ADCK2: variants seen among roughly 807,000 people sequenced by gnomAD.
ADCK2 encodes uncharacterized aarF domain-containing protein kinase 2.
ADCK2 carries 37 observed loss-of-function variants against 52.3 expected under a neutral mutation model. The ratio of observed to expected loss-of-function variants is 0.71; its 90% confidence interval spans 0.54 to 0.93. ADCK2 has a LOEUF of 0.93. Ranked by LOEUF, ADCK2 falls within the 40% of genes least tolerant of loss-of-function variation. The probability of loss-of-function intolerance (pLI) is 0.00; values close to 1 mark genes in which losing one functional copy is unlikely to be tolerated. For synonymous variants in ADCK2, 321 were observed against 349.2 expected, an observed-to-expected ratio of 0.92 and a Z score of 0.90; for missense variants, 695 against 798.7, an observed-to-expected ratio of 0.87 and a Z score of 1.56.
At position 140,687,016 on chromosome 7, in the gene ADCK2, A is replaced by G. The variant is rs1563209538; in HGVS notation, c.1332A>G (p.Ala444=). The change falls in exon 5 of 8, where the codon GCA becomes GCG. Residue 444 remains alanine, a synonymous_variant. Transcript: ENST00000072869. ...KMIFVDNFVH[A]DLHPGNILVQ... is the part of the protein sequence containing the mutation. ...TATTTGTGGATAACTTTGTCCATGCAGACCTTCACCCTGGAAACATCCTGG... is the reference window on the plus strand; with the variant it reads ...TATTTGTGGATAACTTTGTCCATGCGGACCTTCACCCTGGAAACATCCTGG... The G allele has an allele frequency of 6.2e-7, 1 of 1,614,118 alleles. No homozygotes were observed. Among genetic ancestry groups the G allele is most frequent in the East Asian group, 2.2e-5 (1 of 44,872 alleles).
At chr7:140,689,531 G>A (rs1794667870) in intron 5 of ADCK2, 66 bp from the exon 6 acceptor site, 22 of 1,510,992 alleles carry the variant, frequency 1.5e-5, no homozygotes, top group African/African-American at 4.2e-5. Context: ...TGAGAAAGAC[G>A]CTTGGGCACC....
intron 4 of ADCK2, among the ~76,000 whole-genome samples, chr7:140,683,752 T>TG (rs1040962471): frequency 1.3e-5 from 2 of 152,198 alleles, no homozygotes; most frequent in African/African-American, 4.8e-5. Flanking sequence ...TTGTTATAGT[T>TG]GGGGGTTGGG....
In ADCK2 at chr7:140,693,816, T is replaced by C. The variant is rs936748070; in HGVS notation, c.1741-847T>C. 6.6e-6 allele frequency among the ~76,000 whole-genome samples: 1 copy of C among 152,076 alleles called. No homozygotes were observed. The highest frequency in any genetic ancestry group is 2.4e-5 in the African/African-American group (1 of 41,402). On this transcript the variant is annotated intron_variant, in intron 7 of 7. Transcript: ENST00000072869. The surrounding 1 kb of genome is among the most constrained non-coding windows in gnomAD (Gnocchi z 4.0). ...GCTCTGCCTCCCGAGTTCAGGCCAT[T>C]CTCCTGCCTCAGCCTCCCGAGTAGC...
rs943118006 is a variant in ADCK2 at position 140,674,053 on chromosome 7, C to G, written c.723C>G (p.Phe241Leu). The part of the protein sequence containing the change: ...RLGRASCLPP[F>L]SHTGAVGGLR... The stretch of plus-strand genomic sequence containing the variant: ...GCAGGGCCTCCTGTCTGCCGCCCTT[C>G]TCACATACTGGGGCAGTCGGTGGGC... The change falls in exon 1 of 8, where the codon TTC (phenylalanine) becomes TTG (leucine). Residue 241 changes from phenylalanine (F) to leucine (L), a missense_variant. Coordinates refer to ENST00000072869, the MANE Select transcript of ADCK2 (RefSeq NM_052853.4). This position sits in a 1 kb window ranked among gnomAD's most constrained non-coding sequence, Gnocchi z 4.6. 3 of 1,614,046 alleles carry G rather than the reference C, an allele frequency of 1.9e-6. No homozygotes were observed. Among genetic ancestry groups the G allele is most frequent in the Admixed American group, 1.7e-5 (1 of 60,006 alleles).
At chr7:140,683,095 G>C (rs1034070897) in intron 4 of ADCK2, among the ~76,000 whole-genome samples, 1 of 151,142 alleles carries the variant, frequency 6.6e-6, no homozygotes, top group Admixed American at 6.6e-5. Flanking sequence ...GAGGTCAGGA[G>C]ATCGAGACCA....
chr7:140,688,541 G>A (rs368253928), intron 5 of ADCK2, among the ~76,000 whole-genome samples: 50 of 152,236 alleles, frequency 3.3e-4, no homozygotes, highest in African/African-American at 1.2e-3. Flanking sequence ...TGGGACTGTG[G>A]GAAGAAACAA....
In ADCK2 at chr7:140,673,161, C is replaced by G; in HGVS notation, c.-170C>G. On this transcript the variant is annotated 5_prime_UTR_variant, in exon 1 of 8. Coordinates refer to ENST00000072869, the MANE Select transcript of ADCK2 (RefSeq NM_052853.4). This position sits in a 1 kb window ranked among gnomAD's most constrained non-coding sequence, Gnocchi z 6.4. Reference sequence around the variant, plus strand: ...CGGCGGGTGTCGGGCGGGGCGCGGGCCTCCGGCCTGAGGCCCGGCGAGGTG... The same window carrying G: ...CGGCGGGTGTCGGGCGGGGCGCGGGGCTCCGGCCTGAGGCCCGGCGAGGTG... 9.8e-6 allele frequency: 4 copies of G among 408,018 alleles called. No individual in the cohort carries two copies. Among genetic ancestry groups the G allele is most frequent in the Non-Finnish European group, 4.1e-6 (1 of 245,962 alleles). 25.3% of individuals were successfully genotyped at this position (408,018 alleles called of 1,614,324 possible).
At chr7:140,677,914 C>T (rs145249599) in intron 2 of ADCK2, among the ~76,000 whole-genome samples, 43 of 152,198 alleles carry the variant, frequency 2.8e-4, no homozygotes, top group African/African-American at 9.6e-4. Context: ...TCTGGGATGT[C>T]GAGCACTATA....
At chr7:140,677,888 C>T (rs1794448197) in intron 2 of ADCK2, among the ~76,000 whole-genome samples, 1 of 152,074 alleles carries the variant, frequency 6.6e-6, no homozygotes, top group African/African-American at 2.4e-5. Flanking sequence ...AGAGGAGAGC[C>T]GGGGGTGTTA....
chr7:140,692,395 T>C (rs2130793887), intron 7 of ADCK2, among the ~76,000 whole-genome samples: 1 of 152,372 alleles, frequency 6.6e-6, no homozygotes, highest in South Asian at 2.1e-4. Context: ...TCTCACTGTG[T>C]CACCGAGGCT....
At chr7:140,688,744 T>A (rs1460255951) in intron 5 of ADCK2, among the ~76,000 whole-genome samples, 1 of 152,188 alleles carries the variant, frequency 6.6e-6, no homozygotes, top group Non-Finnish European at 1.5e-5. Context: ...GCACGTCCGA[T>A]GTGGGGACAT....
rs764807562 is a variant in ADCK2 at position 140,673,911 on chromosome 7, G to C, written c.581G>C (p.Trp194Ser). Residue 194 changes from tryptophan to serine, a missense_variant, in exon 1 of 8, where the codon TGG (tryptophan) becomes TCG (serine). Coordinates refer to ENST00000072869, the MANE Select transcript of ADCK2 (RefSeq NM_052853.4). The surrounding 1 kb of genome is among the most constrained non-coding windows in gnomAD (Gnocchi z 6.4). Reference sequence around the variant, plus strand: ...CTTCGGCAGGCTTTTGGGGATGACTGGGGGAGCATCCTCTCTTTTGAGAAC... The same window carrying C: ...CTTCGGCAGGCTTTTGGGGATGACTCGGGGAGCATCCTCTCTTTTGAGAAC... ...RFLRQAFGDD[W>S]GSILSFENRE... The C allele has an allele frequency of 6.2e-7, 1 of 1,613,946 alleles. No individual in the cohort carries two copies. Among genetic ancestry groups the C allele is most frequent in the Non-Finnish European group, 8.5e-7 (1 of 1,180,032 alleles).
chr7:140,674,524 C>T lies in ADCK2; in HGVS notation c.934-87C>T. 6.7e-7 allele frequency: 1 copy of T among 1,486,478 alleles called. No homozygotes were observed. The highest frequency in any genetic ancestry group is 9.0e-7 in the Non-Finnish European group (1 of 1,106,638). The allele number at this position is 1,486,478 out of a possible 1,614,324, so 92.1% of individuals were successfully genotyped here. ...TTTTCTTTGATAAGAAGCCACCTGG[C>T]TCTTGCTTGGATGGTGGGACCCAGC... On this transcript the variant is annotated intron_variant, in intron 1 of 7. Transcript: ENST00000072869. The surrounding 1 kb of genome is among the most constrained non-coding windows in gnomAD (Gnocchi z 4.6).
At position 140,673,584 on chromosome 7, in the gene ADCK2, C is replaced by T. The variant is rs772386520; in HGVS notation, c.254C>T (p.Pro85Leu). The stretch of plus-strand genomic sequence containing the variant: ...GGCGCGGGGCCCGCGGAGAGCCTCC[C>T]CCGAGCGGGACCTCTGGGCGGCGTC... ...AAGAGPAESL[P>L]RAGPLGGVFL... Residue 85 changes from proline (P) to leucine (L), a missense_variant, in exon 1 of 8, where the codon CCC (proline) becomes CTC (leucine). Physicochemically the swap from Pro to Leu is moderately conservative, Grantham distance 98. Transcript: ENST00000072869. This position sits in a 1 kb window ranked among gnomAD's most constrained non-coding sequence, Gnocchi z 6.4. 4.4e-6 allele frequency: 7 copies of T among 1,605,198 alleles called. No homozygotes were observed. The highest frequency in any genetic ancestry group is 5.1e-6 in the Non-Finnish European group (6 of 1,179,112).
chr7:140,694,892 G>T lies in ADCK2; in HGVS notation c.*89G>T. On this transcript the variant is annotated 3_prime_UTR_variant, in exon 8 of 8. Coordinates refer to ENST00000072869, the MANE Select transcript of ADCK2 (RefSeq NM_052853.4). Reference sequence around the variant, plus strand: ...TGGCAGCTGGGACGTTTTAAAATTGGGACACCAATTTCAAATGTAACCCTC... The same window carrying T: ...TGGCAGCTGGGACGTTTTAAAATTGTGACACCAATTTCAAATGTAACCCTC... 28 of 1,493,584 alleles carry T rather than the reference G, an allele frequency of 1.9e-5. No homozygotes were observed. Among genetic ancestry groups the T allele is most frequent in the Non-Finnish European group, 2.5e-5 (28 of 1,126,876 alleles). 92.5% of individuals were successfully genotyped at this position (1,493,584 alleles called of 1,614,324 possible). A position where few individuals can be genotyped will look rare whatever the true frequency, so the allele number is the denominator to read the frequency against.
intron 7 of ADCK2, 23 bp downstream of exon 7, chr7:140,690,836 G>A: frequency 6.2e-7 from 1 of 1,611,584 alleles, no homozygotes; most frequent in Non-Finnish European, 8.5e-7. Flanking sequence ...CAGAGGGGAG[G>A]TCTCTGGGGA....
chr7:140,687,274 G>T (rs1205328812), intron 5 of ADCK2, 33 bp downstream of exon 5: 2 of 1,517,680 alleles, frequency 1.3e-6, no homozygotes, highest in South Asian at 2.5e-5. Flanking sequence ...AAGTTGGGGT[G>T]AATTTTTTTT....
chr7:140,675,713 G>T (rs142629815), intron 2 of ADCK2, among the ~76,000 whole-genome samples: 124 of 152,324 alleles, frequency 8.1e-4, no homozygotes, highest in African/African-American at 2.4e-3. Flanking sequence ...TTCTGGTGGA[G>T]AACATCTAGC....
At chr7:140,676,489 C>T (rs557294751) in intron 2 of ADCK2, among the ~76,000 whole-genome samples, 41 of 152,348 alleles carry the variant, frequency 2.7e-4, no homozygotes, top group Non-Finnish European at 2.8e-4. Flanking sequence ...TCCTGCCACT[C>T]ATCTGAGTTT....
Sources: allele counts gnomAD v4.1 joint callset (sites outside exome capture counted in the v4.1 genomes callset), GRCh38; gene constraint gnomAD v4.1.1; non-coding constraint Gnocchi (gnomAD v3.1); transcripts MANE v1.5; gene names NCBI Gene and HGNC (gene_info 2026-07-23, HGNC 2026-07-21).